The following REV3L variants were observed in gnomAD, a reference collection of about 807,000 sequenced individuals.
REV3L encodes the protein DNA polymerase zeta catalytic subunit.
Under a neutral mutation model 299.4 loss-of-function variants are expected in REV3L, and 69 were observed. That is an observed-to-expected ratio of 0.23 (90% CI 0.19 to 0.28). The LOEUF (loss-of-function observed/expected upper bound fraction) is 0.28. Ranked by LOEUF, REV3L falls within the 10% of genes least tolerant of loss-of-function variation. REV3L has a pLI of 1.00. For synonymous variants in REV3L, 1,238 were observed against 1,271.4 expected (o/e 0.97, Z 0.56); for missense variants, 3,128 against 3,693.8 (o/e 0.85, Z 3.97).
chr6:111,334,454 G>A (rs2114847961), intron 22 of REV3L, among the ~76,000 whole-genome samples: 1 of 152,198 alleles, frequency 6.6e-6, no homozygotes, highest in Admixed American at 6.5e-5. Context: ...ATAAAGTATT[G>A]AATGTGGCTT....
chr6:111,450,505 A>AAAC (rs1789397387), intron 1 of REV3L, among the ~76,000 whole-genome samples: 1 of 141,670 alleles, frequency 7.1e-6, no homozygotes, highest in Non-Finnish European at 1.6e-5. Flanking sequence ...AAAAAAAAAA[A>AAAC]ACCAAAAAAC....
intron 1 of REV3L, among the ~76,000 whole-genome samples, chr6:111,449,450 G>GA (rs1165167196): frequency 6.6e-6 from 1 of 152,188 alleles, no homozygotes; most frequent in East Asian, 1.9e-4. Context: ...AGGTTTTACT[G>GA]AAAGTATCAG....
intron 26 of REV3L, among the ~76,000 whole-genome samples, 198 bp downstream of exon 26, chr6:111,322,371 G>A (rs781655013): frequency 3.3e-5 from 5 of 152,078 alleles, no homozygotes; most frequent in African/African-American, 4.8e-5. Context: ...TCAGTTTGTG[G>A]CTCAGGACAC....
chr6:111,423,931 T>C (rs527242829), intron 1 of REV3L, among the ~76,000 whole-genome samples: 40 of 152,348 alleles, frequency 2.6e-4, no homozygotes, highest in Admixed American at 3.9e-4. Context: ...TACATGTCTA[T>C]AGAATTTCTA....
intron 1 of REV3L, among the ~76,000 whole-genome samples, chr6:111,476,961 T>C (rs1265350827): frequency 6.6e-6 from 1 of 152,214 alleles, no homozygotes; most frequent in Non-Finnish European, 1.5e-5. Context: ...CAGCACATGT[T>C]ATCTGTAAAA....
At chr6:111,330,183 T>C (rs1296376656) in intron 24 of REV3L, 3 of 397,594 alleles carry the variant, frequency 7.5e-6, no homozygotes, top group Non-Finnish European at 1.0e-5. Flanking sequence ...TCCATTTATC[T>C]ACCTTGGAAG....
chr6:111,362,809 C>T (rs543727860), intron 16 of REV3L, among the ~76,000 whole-genome samples: 3 of 152,182 alleles, frequency 2.0e-5, no homozygotes, highest in Admixed American at 6.5e-5. Context: ...ATACCTAAGT[C>T]GTTCCAAACA....
intron 27 of REV3L, among the ~76,000 whole-genome samples, chr6:111,314,028 T>A (rs1249128350): frequency 1.3e-5 from 2 of 152,244 alleles, no homozygotes; most frequent in East Asian, 3.8e-4. Flanking sequence ...CTCATCTTGC[T>A]TTCCGTTATG....
intron 1 of REV3L, among the ~76,000 whole-genome samples, chr6:111,479,956 T>G (rs1793428219): frequency 1.3e-5 from 2 of 152,244 alleles, no homozygotes; most frequent in Admixed American, 6.5e-5. Flanking sequence ...TGGACTGTTT[T>G]CTAAAGCAGA....
At chr6:111,345,305 TA>T (rs1776914922) in intron 20 of REV3L, among the ~76,000 whole-genome samples, 2 of 152,156 alleles carry the variant, frequency 1.3e-5, no homozygotes, top group South Asian at 4.1e-4. Context: ...ATTAGGTTCC[TA>T]AAGGAAAGCC....
intron 21 of REV3L, among the ~76,000 whole-genome samples, chr6:111,342,176 G>C (rs938832854): frequency 6.6e-6 from 1 of 152,158 alleles, no homozygotes; most frequent in South Asian, 2.1e-4. Flanking sequence ...ACAAGCAACT[G>C]GAAAAGGGGC....
intron 18 of REV3L, among the ~76,000 whole-genome samples, chr6:111,355,398 C>G (rs1403982043): frequency 6.6e-6 from 1 of 152,046 alleles, no homozygotes; most frequent in Non-Finnish European, 1.5e-5. Context: ...TGGCTGACTC[C>G]AAAGGCTGTG....
At chr6:111,327,801 C>A (rs1774996636) in intron 25 of REV3L, among the ~76,000 whole-genome samples, 1 of 152,004 alleles carries the variant, frequency 6.6e-6, no homozygotes, top group Admixed American at 6.6e-5. Context: ...TATTACTGTA[C>A]CAAAATATTC....
intron 1 of REV3L, among the ~76,000 whole-genome samples, chr6:111,462,015 T>C (rs958256213): frequency 3.9e-5 from 6 of 152,138 alleles, no homozygotes; most frequent in Admixed American, 3.3e-4. Context: ...AGCCCATCTA[T>C]ATGCTGACTA....
intron 1 of REV3L, among the ~76,000 whole-genome samples, chr6:111,465,105 A>G (rs1159309679): frequency 5.5e-5 from 7 of 128,346 alleles, no homozygotes; most frequent in Non-Finnish European, 1.0e-4. Flanking sequence ...TTTTTTTGAG[A>G]TGGAGTTTCT....
intron 1 of REV3L, among the ~76,000 whole-genome samples, chr6:111,452,744 C>T (rs1233809561): frequency 1.3e-5 from 2 of 152,078 alleles, no homozygotes; most frequent in South Asian, 2.1e-4. Flanking sequence ...TGACGGCATA[C>T]GTTTGTCATA....
intron 18 of REV3L, among the ~76,000 whole-genome samples, chr6:111,353,204 C>T (rs1255759723): frequency 6.6e-6 from 1 of 152,176 alleles, no homozygotes; most frequent in Non-Finnish European, 1.5e-5. Context: ...TCTATGGCTA[C>T]TCTGCAAGTC....
At chr6:111,477,093 A>G (rs1174923472) in intron 1 of REV3L, among the ~76,000 whole-genome samples, 1 of 152,218 alleles carries the variant, frequency 6.6e-6, no homozygotes, top group East Asian at 1.9e-4. Flanking sequence ...ATATGACAGC[A>G]CTTTCCCATG....
intron 24 of REV3L, among the ~76,000 whole-genome samples, chr6:111,329,948 A>G (rs1259189516): frequency 6.6e-6 from 1 of 152,202 alleles, no homozygotes; most frequent in African/African-American, 2.4e-5. Context: ...TGCAATGTTT[A>G]TAAATCTAAC....
Sources: gnomAD v4.1 joint callset for allele counts (sites outside exome capture counted in the v4.1 genomes callset) on GRCh38, gnomAD v4.1.1 for gene constraint, MANE v1.5 for transcripts, NCBI Gene and HGNC (gene_info 2026-07-23, HGNC 2026-07-21) for gene names.